The following STXBP2 variants were observed in gnomAD, a reference collection of about 807,000 sequenced individuals.
STXBP2 encodes the protein syntaxin-binding protein 2.
STXBP2 carries 47 observed loss-of-function variants against 72.2 expected under a neutral mutation model. The observed-to-expected ratio is 0.65, with a 90% CI of 0.51 to 0.83. The LOEUF is 0.83. STXBP2 is among the 40% of genes least tolerant of loss of function. The pLI, the probability that STXBP2 is intolerant of heterozygous loss-of-function variation, is 0.00. For synonymous variants in STXBP2, 367 were observed against 338.7 expected, an observed-to-expected ratio of 1.08 and a Z score of -0.92; for missense variants, 702 against 807.6, an observed-to-expected ratio of 0.87 and a Z score of 1.58.
intron 15 of STXBP2, 136 bp downstream of exon 15, chr19:7,645,442 A>G: frequency 2.4e-6 from 2 of 841,794 alleles, no homozygotes; most frequent in Non-Finnish European, 3.8e-6. Flanking sequence ...GGCCAAAAGC[A>G]GTGTTTCGGG....
chr19:7,645,351 A>G (rs1012791201), intron 15 of STXBP2, 45 bp downstream of exon 15: 2 of 1,531,970 alleles, frequency 1.3e-6, no homozygotes, highest in Non-Finnish European at 8.9e-7. Flanking sequence ...GAGGGTGCGG[A>G]TCACAGCCGG....
chr19:7,630,083 T>C, the STXBP2 span: 2 of 427,492 alleles, frequency 4.7e-6, no homozygotes, highest in Non-Finnish European at 8.1e-6. Context: ...AGAGGGCTGG[T>C]CCGAGGAAGG....
intron 4 of STXBP2, 91 bp downstream of exon 4, chr19:7,639,898 GCATGTGTATACGTGTGCATGTGTC>G (rs1568464161): frequency 2.9e-6 from 4 of 1,365,100 alleles, no homozygotes; most frequent in South Asian, 1.2e-5. Context: ...TTGCATGTGT[GCATGTGTATACGTGTGCATGTGTC>G]CATGTGTATG....
upstream of STXBP2, chr19:7,633,351 A>T (rs1209620905): frequency 6.7e-7 from 1 of 1,492,456 alleles, no homozygotes; most frequent in Admixed American, 2.0e-5. Context: ...TAGTCTTGTC[A>T]ATCATGGGCT....
Position 7,644,643 on chromosome 19 carries a change from G to A in STXBP2, c.1137G>A (p.Gly379=), listed in dbSNP as rs745744055. ...TGGCCATGGGCTCCGACGCAGAGGG[G>A]GAGAAGATCAAGGACTCCATGAAGC... ...QDLAMGSDAE[G]EKIKDSMKLI... The change falls in exon 14 of 19, where the codon GGG becomes GGA. Residue 379 remains glycine (G), a synonymous_variant. Transcript: ENST00000221283. 3 of 1,613,422 alleles carry A rather than the reference G, an allele frequency of 1.9e-6. No homozygotes were observed. In the South Asian group the frequency reaches 3.3e-5, roughly 18 times the overall value.
chr19:7,643,090 C>T, intron 12 of STXBP2, 42 bp downstream of exon 12: 4 of 1,613,962 alleles, frequency 2.5e-6, no homozygotes, highest in Admixed American at 1.7e-5. Flanking sequence ...CTCGGCCCCT[C>T]AACCCCATGC....
intron 13 of STXBP2, 121 bp from the exon 14 acceptor site, chr19:7,644,493 T>G: frequency 4.4e-6 from 6 of 1,367,456 alleles, no homozygotes; most frequent in Non-Finnish European, 6.0e-6. Flanking sequence ...GACCTGGTGC[T>G]GAGATGAGGT....
chr19:7,647,552 G>A (rs1344236843), intron 18 of STXBP2, 41 bp downstream of exon 18: 1 of 1,570,800 alleles, frequency 6.4e-7, no homozygotes, highest in Non-Finnish European at 8.6e-7. Flanking sequence ...TGGGGCTTGG[G>A]TTCCCGGGGC....
chr19:7,636,309 G>C (rs2031531657), upstream of STXBP2: 1 of 152,118 alleles, frequency 6.6e-6, no homozygotes, highest in African/African-American at 2.4e-5. Context: ...GGTGCTGCTG[G>C]GGCTGTGCCT....
chr19:7,631,022 A>C, the STXBP2 span: 1 of 832,054 alleles, frequency 1.2e-6, no homozygotes. Flanking sequence ...CAGCCTGGCC[A>C]ACATGGCGAA....
At chr19:7,646,714 C>G (rs2032152108) in intron 16 of STXBP2, 1 of 393,598 alleles carries the variant, frequency 2.5e-6, no homozygotes, top group African/African-American at 2.0e-5. Flanking sequence ...CCTCCTTGTC[C>G]CTCTAAGAGC....
intron 15 of STXBP2, 118 bp from the exon 16 acceptor site, chr19:7,646,121 CGCTCTCTGTT>C (rs1160586378): frequency 4.2e-6 from 3 of 714,264 alleles, no homozygotes; most frequent in Non-Finnish European, 7.4e-6. Context: ...CGCTCTCTCT[CGCTCTCTGTT>C]CCACTTCCCC....
upstream of STXBP2, chr19:7,632,531 C>G (rs2031362803): frequency 6.2e-7 from 1 of 1,612,076 alleles, no homozygotes; most frequent in Non-Finnish European, 8.5e-7. This position sits in a 1 kb window ranked among gnomAD's most constrained non-coding sequence, Gnocchi z 5.2. Flanking sequence ...CGTGGACGTT[C>G]ACAGACTTGG....
chr19:7,633,602 T>G (rs2031427216), upstream of STXBP2: 2 of 727,012 alleles, frequency 2.8e-6, no homozygotes, highest in Admixed American at 5.3e-5. Flanking sequence ...CACCCAAGCT[T>G]AAGCCCCATA....
chr19:7,646,812 G>A (rs1307246484), intron 16 of STXBP2: 1 of 436,200 alleles, frequency 2.3e-6, no homozygotes, highest in Admixed American at 3.9e-5. Context: ...GGGCTCTGAG[G>A]GGCTGAGAGC....
At chr19:7,637,095 C>A, upstream of STXBP2, 2 of 1,234,584 alleles carry the variant, frequency 1.6e-6, no homozygotes, top group Non-Finnish European at 2.0e-6. Context: ...ACGCGCGGGG[C>A]CACGCCCCCA....
Position 7,646,363 on chromosome 19 carries a change from G to A in STXBP2, c.1452+19G>A. 2 of 1,589,646 alleles carry A rather than the reference G, an allele frequency of 1.3e-6. No individual in the cohort carries two copies. On this transcript the variant is annotated intron_variant, in intron 16 of 18. Coordinates refer to ENST00000221283, the MANE Select transcript of STXBP2 (RefSeq NM_006949.4). ...AATGGAGGTACTGGGTGGCAGGTCA[G>A]GGTGGGGGCCAGCCCTCCGCATCGG...
upstream of STXBP2, chr19:7,632,882 C>A: frequency 6.5e-7 from 1 of 1,532,576 alleles, no homozygotes. This position sits in a 1 kb window ranked among gnomAD's most constrained non-coding sequence, Gnocchi z 5.2. Context: ...GGGGCCCCTC[C>A]CCAAACTTCC....
At chr19:7,640,150 GTGCATC>G in intron 4 of STXBP2, 1 of 564,248 alleles carries the variant, frequency 1.8e-6, no homozygotes, top group South Asian at 1.6e-5. Context: ...GTGCATCTGT[GTGCATC>G]TGTATGTGTG....
Sources: allele counts gnomAD v4.1 joint callset, GRCh38; gene constraint gnomAD v4.1.1; non-coding constraint Gnocchi (gnomAD v3.1); transcripts MANE v1.5; gene names NCBI Gene and HGNC (gene_info 2026-07-23, HGNC 2026-07-21).